The following CDH5 variants were observed in gnomAD, a reference collection of about 807,000 sequenced individuals.
The protein encoded by CDH5 is cadherin-5.
Under a neutral mutation model 62.0 loss-of-function variants are expected in CDH5, and 28 were observed. The observed-to-expected ratio is 0.45, with a 90% CI of 0.33 to 0.62. The LOEUF (loss-of-function observed/expected upper bound fraction) is 0.62, where lower values mean the gene tolerates loss of function less well. Ranked by LOEUF, CDH5 falls within the 20% of genes least tolerant of loss-of-function variation. CDH5 has a pLI of 0.02. For missense variants in CDH5, 940 were observed against 1,065.1 expected (o/e 0.88, Z 1.63); for synonymous variants, 464 against 445.8 (o/e 1.04, Z -0.52).
intron 9 of CDH5, 67 bp from the exon 10 acceptor site, chr16:66,398,389 G>C (rs932429481): frequency 9.6e-7 from 1 of 1,043,278 alleles, no homozygotes; most frequent in African/African-American, 1.8e-5. Flanking sequence ...AGGCTCCATC[G>C]CTAAACCTCA....
intron 8 of CDH5, among the ~76,000 whole-genome samples, chr16:66,396,604 TA>T (rs1358503872): frequency 1.4e-5 from 1 of 72,818 alleles, no homozygotes; most frequent in Non-Finnish European, 2.8e-5. Flanking sequence ...CCATGATTCT[TA>T]GTTATCATGG....
At chr16:66,373,234 G>C (rs1478721202) in intron 1 of CDH5, among the ~76,000 whole-genome samples, 1 of 152,074 alleles carries the variant, frequency 6.6e-6, no homozygotes, top group Non-Finnish European at 1.5e-5. Context: ...AAAGGAAACA[G>C]GCTAAAATGA....
intron 4 of CDH5, 109 bp downstream of exon 4, chr16:66,388,549 C>G (rs1428988354): frequency 2.7e-6 from 2 of 743,654 alleles, no homozygotes; most frequent in Non-Finnish European, 4.8e-6. Context: ...GTGTCACTAG[C>G]TACTGAACCA....
At chr16:66,398,342 C>A (rs1961223691) in intron 9 of CDH5, 114 bp from the exon 10 acceptor site, 1 of 818,610 alleles carries the variant, frequency 1.2e-6, no homozygotes, top group Non-Finnish European at 2.1e-6. Flanking sequence ...GTGAGTGTTG[C>A]AGGTGGGAAA....
chr16:66,396,607 T>A (rs1243943647), intron 8 of CDH5, among the ~76,000 whole-genome samples: 1 of 12,660 alleles, frequency 7.9e-5, no homozygotes, highest in African/African-American at 3.5e-4. Flanking sequence ...TGATTCTTAG[T>A]TATCATGGCT....
Position 66,398,106 on chromosome 16 carries a change from G to A in CDH5, c.1485G>A (p.Gln495=), listed in dbSNP as rs1467594950. 6.2e-7 allele frequency: 1 copy of A among 1,614,254 alleles called. No homozygotes were observed. The highest frequency in any genetic ancestry group is 8.5e-7 in the Non-Finnish European group (1 of 1,180,050). The change falls in exon 9 of 12, where the codon CAG becomes CAA. Residue 495 remains glutamine, a splice_region_variant and synonymous_variant. Transcript: ENST00000341529. ...PKVCENAVHG[Q]LVLQISAIDK... is the part of the protein sequence containing the mutation. ...TGTGTGAGAACGCTGTCCATGGCCAGGTGAGTCTGGTTCAGGTGGGAGGGG... is the reference window on the plus strand; with the variant it reads ...TGTGTGAGAACGCTGTCCATGGCCAAGTGAGTCTGGTTCAGGTGGGAGGGG...
At chr16:66,391,418 T>C (rs1961082129) in intron 6 of CDH5, among the ~76,000 whole-genome samples, 1 of 151,770 alleles carries the variant, frequency 6.6e-6, no homozygotes, top group Admixed American at 6.6e-5. Context: ...TCCTGAGGGA[T>C]GAGTAGGAGT....
At chr16:66,385,646 GA>G (rs1960970343) in intron 2 of CDH5, among the ~76,000 whole-genome samples, 1 of 152,096 alleles carries the variant, frequency 6.6e-6, no homozygotes, top group Admixed American at 6.6e-5. Context: ...TGATGTCATC[GA>G]AGGCCAAGAC....
chr16:66,386,843 A>G lies in CDH5; in HGVS notation c.245A>G (p.Tyr82Cys). 1 of 1,613,554 alleles carries G rather than the reference A, an allele frequency of 6.2e-7. No homozygotes were observed. Among genetic ancestry groups the G allele is most frequent in the Non-Finnish European group, 8.5e-7 (1 of 1,179,594 alleles). Residue 82 changes from tyrosine to cysteine, a missense_variant, in exon 3 of 12, where the codon TAC becomes TGC. Tyr to Cys is a radical substitution (Grantham distance 194). Coordinates refer to ENST00000341529, the MANE Select transcript of CDH5 (RefSeq NM_001795.5). ...AGCGTGAGTCGCAAGAATGCCAAGT[A>G]CCTGCTCAAAGGAGAATATGTGGGC... ...KSSVSRKNAK[Y>C]LLKGEYVGKV...
chr16:66,394,614 T>C (rs764825881), intron 7 of CDH5, among the ~76,000 whole-genome samples: 2 of 152,136 alleles, frequency 1.3e-5, no homozygotes, highest in African/African-American at 2.4e-5. Context: ...TTTTTATTTC[T>C]ACCAGTGAGA....
rs1165714697 is a variant in CDH5, at chr16:66,389,409, A to G, written c.668A>G (p.Tyr223Cys). ...KSLDREKQAR[Y>C]EIVVEARDAQ... Reference sequence around the variant, plus strand: ...TTGGACCGAGAGAAGCAGGCCAGGTATGAGATCGTGGTGGAAGCGCGAGAT... The same window carrying G: ...TTGGACCGAGAGAAGCAGGCCAGGTGTGAGATCGTGGTGGAAGCGCGAGAT... The change falls in exon 5 of 12, where the codon TAT becomes TGT. Residue 223 changes from tyrosine to cysteine, a missense_variant. Transcript: ENST00000341529. 1 of 1,613,458 alleles carries G rather than the reference A, an allele frequency of 6.2e-7. No homozygotes were observed. The highest frequency in any genetic ancestry group is 8.5e-7 in the Non-Finnish European group (1 of 1,179,732).
intron 6 of CDH5, among the ~76,000 whole-genome samples, chr16:66,390,924 C>T (rs3785286): frequency 0.64 from 97,028 of 152,064 alleles, 31,173 homozygotes; most frequent in South Asian, 0.71. Flanking sequence ...ACCCGCTGTC[C>T]GTGGTGTTGA....
chr16:66,398,152 C>T (rs755573349), intron 9 of CDH5, 46 bp downstream of exon 9: 7 of 1,611,968 alleles, frequency 4.3e-6, no homozygotes, highest in African/African-American at 1.3e-5. Flanking sequence ...CACCCTGGGG[C>T]AGGCTGGGGG....
Position 66,392,255 on chromosome 16 carries a change from C to T in CDH5, c.1089C>T (p.Ile363=). The change falls in exon 7 of 12, where the codon ATC becomes ATT. Residue 363 remains isoleucine, a synonymous_variant. Coordinates refer to ENST00000341529, the MANE Select transcript of CDH5 (RefSeq NM_001795.5). ...ACAGAGCCCAGGTCATTATCAACATCACAGATGTGGACGAGCCCCCCATTT... is the reference window on the plus strand; with the variant it reads ...ACAGAGCCCAGGTCATTATCAACATTACAGATGTGGACGAGCCCCCCATTT... ...AGNRAQVIIN[I]TDVDEPPIFQ... 1.2e-6 allele frequency: 2 copies of T among 1,614,158 alleles called. No homozygotes were observed. The highest frequency in any genetic ancestry group is 1.3e-5 in the African/African-American group (1 of 75,044).
intron 10 of CDH5, among the ~76,000 whole-genome samples, 178 bp from the exon 11 acceptor site, chr16:66,400,593 C>G (rs1451024036): frequency 6.6e-6 from 1 of 152,212 alleles, no homozygotes; most frequent in Non-Finnish European, 1.5e-5. Flanking sequence ...AATATCCCCT[C>G]TGTGGCGGAA....
chr16:66,376,949 G>A (rs534813517), intron 1 of CDH5, among the ~76,000 whole-genome samples: 1 of 152,324 alleles, frequency 6.6e-6, no homozygotes, highest in Admixed American at 6.5e-5. Context: ...TCAGCTCAGA[G>A]CCTGGGCGCT....
chr16:66,396,351 C>T (rs1961185562), intron 8 of CDH5, 150 bp downstream of exon 8: 16 of 891,666 alleles, frequency 1.8e-5, no homozygotes, highest in Admixed American at 7.7e-5. Context: ...AGCTCCCATG[C>T]CCAAGTGTGG....
At chr16:66,373,351 G>A (rs1960726631) in intron 1 of CDH5, among the ~76,000 whole-genome samples, 1 of 152,222 alleles carries the variant, frequency 6.6e-6, no homozygotes, top group African/African-American at 2.4e-5. Flanking sequence ...CATCATGATG[G>A]GAAGGAACAT....
intron 3 of CDH5, 77 bp from the exon 4 acceptor site, chr16:66,388,247 C>T: frequency 1.1e-6 from 1 of 881,284 alleles, no homozygotes; most frequent in African/African-American, 1.6e-5. Context: ...AGCCTGAGCC[C>T]CATCTGCTCT....
Sources: gnomAD v4.1 joint callset for allele counts (sites outside exome capture counted in the v4.1 genomes callset) on GRCh38, gnomAD v4.1.1 for gene constraint, MANE v1.5 for transcripts, NCBI Gene and HGNC (gene_info 2026-07-23, HGNC 2026-07-21) for gene names.